CTNNA2: variants seen among roughly 807,000 people sequenced by gnomAD.
CTNNA2 encodes catenin alpha 2, also known as catenin alpha-2.
A neutral mutation model predicts 101.0 loss-of-function variants in CTNNA2; 42 were observed. That is an observed-to-expected ratio of 0.42 (90% CI 0.32 to 0.54). CTNNA2 has a LOEUF of 0.54. Ranked by LOEUF, CTNNA2 falls within the 20% of genes least tolerant of loss-of-function variation. The pLI is 0.14. For synonymous variants in CTNNA2, 450 were observed against 456.4 expected (o/e 0.99, Z 0.18); for missense variants, 871 against 1,223.1 (o/e 0.71, Z 4.29).
intron 7 of CTNNA2, among the ~76,000 whole-genome samples, chr2:80,135,556 C>T (rs1188159761): frequency 6.6e-6 from 1 of 152,190 alleles, no homozygotes; most frequent in Non-Finnish European, 1.5e-5. Context: ...AGGGAAGCAT[C>T]ATTGTACACT....
chr2:80,133,647 G>A (rs1387598910), intron 7 of CTNNA2, among the ~76,000 whole-genome samples: 1 of 152,166 alleles, frequency 6.6e-6, no homozygotes, highest in East Asian at 1.9e-4. Context: ...AAAAAATTGT[G>A]CATTGTTCTC....
intron 1 of CTNNA2, among the ~76,000 whole-genome samples, chr2:79,577,779 C>A (rs2103874562): frequency 6.6e-6 from 1 of 152,182 alleles, no homozygotes; most frequent in East Asian, 1.9e-4. Flanking sequence ...GTTTGTGAAA[C>A]CGTTTCCTTC....
At chr2:80,398,836 C>A (rs890461320) in intron 8 of CTNNA2, among the ~76,000 whole-genome samples, 1 of 151,210 alleles carries the variant, frequency 6.6e-6, no homozygotes, top group Non-Finnish European at 1.5e-5. Flanking sequence ...CCCTGCACTG[C>A]AGCCTGGGTA....
In CTNNA2 at chr2:80,647,865, C is replaced by T. The variant is rs1399881244; in HGVS notation, c.2855C>T (p.Ser952Phe). The change falls in exon 19 of 19, where the codon TCC becomes TTC. Residue 952 changes from serine to phenylalanine, a missense_variant. Physicochemically the swap from Ser to Phe is radical, Grantham distance 155. Transcript: ENST00000402739. Reference protein sequence around the residue: ...QALSEFKAMDSF With the variant: ...QALSEFKAMDFF ...TTAAGTGAATTCAAAGCAATGGATT[C>T]CTTCTAGGACGATAGGTTTTAACAA... 6.3e-7 allele frequency: 1 copy of T among 1,579,284 alleles called. No individual in the cohort carries two copies. Among genetic ancestry groups the T allele is most frequent in the Non-Finnish European group, 8.6e-7 (1 of 1,161,964 alleles).
At chr2:79,839,945 G>C (rs1284331167) in intron 3 of CTNNA2, among the ~76,000 whole-genome samples, 1 of 152,166 alleles carries the variant, frequency 6.6e-6, no homozygotes, top group African/African-American at 2.4e-5. Context: ...TTATTTGTGA[G>C]AGTCCTGTGC....
At chr2:79,479,074 G>T (rs1428874822) in intron 4 of CTNNA2, among the ~76,000 whole-genome samples, 1 of 152,176 alleles carries the variant, frequency 6.6e-6, no homozygotes, top group Admixed American at 6.5e-5. Context: ...AAGAATTCAT[G>T]ATCTCCAATT....
intron 3 of CTNNA2, among the ~76,000 whole-genome samples, chr2:79,344,620 C>T (rs1024614879): frequency 1.3e-5 from 2 of 151,652 alleles, no homozygotes; most frequent in African/African-American, 4.8e-5. Flanking sequence ...CCATCCAGGC[C>T]TTTTTTAATA....
At chr2:80,226,851 A>G (rs1335698258) in intron 7 of CTNNA2, among the ~76,000 whole-genome samples, 2 of 151,892 alleles carry the variant, frequency 1.3e-5, no homozygotes, top group African/African-American at 4.8e-5. Flanking sequence ...CTTCCCCTCC[A>G]GCTCATCTCC....
chr2:80,635,970 G>C (rs1291574223), intron 18 of CTNNA2, among the ~76,000 whole-genome samples: 2 of 83,948 alleles, frequency 2.4e-5, no homozygotes, highest in African/African-American at 4.4e-5. Flanking sequence ...GATGCCCATT[G>C]CTTTTTTTTT....
chr2:79,650,029 A>G (rs1007426474), intron 1 of CTNNA2, among the ~76,000 whole-genome samples: 1 of 152,084 alleles, frequency 6.6e-6, no homozygotes, highest in Non-Finnish European at 1.5e-5. Flanking sequence ...AGCCATGGAC[A>G]TTTTGATTTA....
At position 80,440,003 on chromosome 2, in the gene CTNNA2, AAAAT is replaced by A. The variant is rs1480564521; in HGVS notation, c.1290+20408_1290+20411del. 3.9e-5 allele frequency among the ~76,000 whole-genome samples: 6 copies of A among 152,336 alleles called. No homozygotes were observed. The East Asian group carries it at 5.8e-4, about 15-fold the overall frequency. On this transcript the variant is annotated intron_variant, in intron 9 of 18. Transcript: ENST00000402739. ...AGAAGGCAGATAATAAACAATAGAC[AAAAT>A]AAATATATAACTTATGTAATAGAAG...
At chr2:79,432,102 C>G (rs1371313861) in intron 4 of CTNNA2, among the ~76,000 whole-genome samples, 2 of 152,186 alleles carry the variant, frequency 1.3e-5, no homozygotes, top group African/African-American at 4.8e-5. Context: ...ACAGCAGCCT[C>G]AAACTTCTCA....
intron 7 of CTNNA2, among the ~76,000 whole-genome samples, chr2:80,204,131 T>C (rs1707380415): frequency 6.6e-6 from 1 of 152,150 alleles, no homozygotes; most frequent in Non-Finnish European, 1.5e-5. Flanking sequence ...CTCCTAAACC[T>C]CTGGGCCTGT....
intron 2 of CTNNA2, among the ~76,000 whole-genome samples, chr2:79,210,084 T>G (rs1674151731): frequency 1.4e-5 from 1 of 72,280 alleles, no homozygotes; most frequent in South Asian, 3.9e-4. Context: ...AGAGTCAAGC[T>G]ATATTGTGTG....
intron 7 of CTNNA2, among the ~76,000 whole-genome samples, chr2:79,921,779 A>G (rs867184978): frequency 6.6e-6 from 1 of 152,170 alleles, no homozygotes; most frequent in Non-Finnish European, 1.5e-5. Flanking sequence ...GAGCTATGCC[A>G]TTTACACCTT....
chr2:80,154,775 T>C (rs1414180821), intron 7 of CTNNA2, among the ~76,000 whole-genome samples: 1 of 152,196 alleles, frequency 6.6e-6, no homozygotes, highest in Non-Finnish European at 1.5e-5. Flanking sequence ...ATCTCCAGGC[T>C]GGTGGAGCCT....
intron 18 of CTNNA2, among the ~76,000 whole-genome samples, chr2:80,641,068 A>G (rs1245029572): frequency 2.0e-5 from 3 of 152,210 alleles, no homozygotes. Flanking sequence ...ATATTTTAGC[A>G]TTATCAAACT....
chr2:80,277,553 G>GAAAAAAAA lies in CTNNA2; in HGVS notation c.1057-115645_1057-115638dup, dbSNP rs10650278. ...AGGAGAGACTCAGGGAAGGATTTCT[G>GAAAAAAAA]AAAAAAAAAAAAAAAAAAAATGGAC... On this transcript the variant is annotated intron_variant, in intron 7 of 18. Transcript: ENST00000402739. Among the ~76,000 whole-genome samples the GAAAAAAAA allele has an allele frequency of 2.7e-4, 23 of 83,814 alleles. 1 individual carries two copies. Among genetic ancestry groups the GAAAAAAAA allele is most frequent in the African/African-American group, 8.7e-4 (19 of 21,778 alleles). The allele number at this position is 83,814 out of a possible 152,430, so 55.0% of individuals were successfully genotyped here.
At chr2:80,525,040 G>A (rs1465483402) in intron 9 of CTNNA2, among the ~76,000 whole-genome samples, 1 of 151,898 alleles carries the variant, frequency 6.6e-6, no homozygotes, top group East Asian at 1.9e-4. Context: ...CCATCACTGA[G>A]CAGTATACAC....
Sources: gnomAD v4.1 joint callset for allele counts (sites outside exome capture counted in the v4.1 genomes callset) on GRCh38, gnomAD v4.1.1 for gene constraint, MANE v1.5 for transcripts, NCBI Gene and HGNC (gene_info 2026-07-23, HGNC 2026-07-21) for gene names.